PBX1: variants seen among roughly 807,000 people sequenced by gnomAD.
PBX1 encodes the protein PBX homeobox 1, also known as pre-B-cell leukemia transcription factor 1.
PBX1 carries 6 observed loss-of-function variants against 53.4 expected under a neutral mutation model. The observed-to-expected ratio is 0.11, with a 90% CI of 0.06 to 0.22. PBX1 has a LOEUF of 0.22. Ranked by LOEUF, PBX1 falls within the 10% of genes least tolerant of loss-of-function variation. The pLI, the probability that PBX1 is intolerant of heterozygous loss-of-function variation, is 1.00. For missense variants in PBX1, 251 were observed against 551.4 expected, an observed-to-expected ratio of 0.46 and a Z score of 5.46; for synonymous variants, 204 against 212.3, an observed-to-expected ratio of 0.96 and a Z score of 0.34.
chr1:164,732,500 T>C (rs1665048718), intron 2 of PBX1, among the ~76,000 whole-genome samples: 2 of 152,154 alleles, frequency 1.3e-5, no homozygotes, highest in African/African-American at 4.8e-5. Flanking sequence ...GGAAGTGGAA[T>C]CCTTTAATCT....
At chr1:164,621,629 T>G (rs958023525) in intron 2 of PBX1, among the ~76,000 whole-genome samples, 1 of 152,126 alleles carries the variant, frequency 6.6e-6, no homozygotes, top group Non-Finnish European at 1.5e-5. Context: ...CCATCCCTCT[T>G]GTTGCACAGT....
intron 2 of PBX1, among the ~76,000 whole-genome samples, chr1:164,593,040 C>T (rs145523925): frequency 1.3e-5 from 2 of 152,092 alleles, no homozygotes; most frequent in African/African-American, 4.8e-5. Context: ...TCACTGCAAC[C>T]TCTGTCTCCT....
intron 2 of PBX1, among the ~76,000 whole-genome samples, chr1:164,649,898 G>T (rs1240234353): frequency 1.3e-5 from 2 of 152,046 alleles, no homozygotes; most frequent in Non-Finnish European, 2.9e-5. Context: ...GCCAGCTTTG[G>T]GGGTTCTTTG....
intron 2 of PBX1, among the ~76,000 whole-genome samples, chr1:164,866,689 G>A (rs1358682365): frequency 6.6e-6 from 1 of 152,168 alleles, no homozygotes; most frequent in Non-Finnish European, 1.5e-5. Context: ...ACTGGTGGCT[G>A]ATGGATGAGT....
intron 2 of PBX1, among the ~76,000 whole-genome samples, chr1:164,758,277 A>T (rs1388838752): frequency 6.6e-6 from 1 of 152,134 alleles, no homozygotes; most frequent in Non-Finnish European, 1.5e-5. Flanking sequence ...TCAGACAACC[A>T]CCCTTTTCTT....
At chr1:164,727,592 G>C (rs1047811856) in intron 2 of PBX1, among the ~76,000 whole-genome samples, 1 of 152,182 alleles carries the variant, frequency 6.6e-6, no homozygotes, top group Non-Finnish European at 1.5e-5. Context: ...GTGGAAAGGG[G>C]TCTTGAGTTG....
chr1:164,625,910 G>C, intron 2 of PBX1: 2 of 1,023,810 alleles, frequency 2.0e-6, no homozygotes, highest in Non-Finnish European at 2.3e-6. Flanking sequence ...ATAGGTCTTT[G>C]TTTCTGGATT....
chr1:164,877,016 A>G (rs1672529206), intron 2 of PBX1, among the ~76,000 whole-genome samples: 2 of 152,098 alleles, frequency 1.3e-5, no homozygotes, highest in Non-Finnish European at 2.9e-5. Context: ...AGGAAGTACC[A>G]TGTGCCAAAT....
intron 2 of PBX1, among the ~76,000 whole-genome samples, chr1:164,688,820 T>C (rs10800043): frequency 0.2 from 30,622 of 152,242 alleles, 3,355 homozygotes; most frequent in East Asian, 0.33. Flanking sequence ...TTTCCTGAAC[T>C]CTTCTTTGCA....
chr1:164,841,653 T>A (rs16835346), intron 8 of PBX1, among the ~76,000 whole-genome samples: 2,894 of 152,242 alleles, frequency 0.019, 106 homozygotes, highest in African/African-American at 0.064. Flanking sequence ...TGGGAAAGTG[T>A]TAAGCATATC....
rs1324292200 is a variant in PBX1, at chr1:164,820,112, G to T, written c.1038G>T (p.Leu346Phe). ...TTAACATGTCAAACTCTGGAGATTT[G>T]TTCATGAGCGTGCAGTCACTCAATG... is the stretch of plus-strand genomic sequence containing the variant. ...SSFNMSNSGD[L>F]FMSVQSLNGD... Residue 346 changes from leucine to phenylalanine, a missense_variant, in exon 7 of 9, where the codon TTG becomes TTT. Around this residue, in one of 4 missense-constraint regions of PBX1, gnomAD observed 92 missense variants for 130.4 expected, o/e 0.71. Coordinates refer to ENST00000420696, the MANE Select transcript of PBX1 (RefSeq NM_002585.4). 6.2e-7 allele frequency: 1 copy of T among 1,613,652 alleles called. No individual in the cohort carries two copies. The highest frequency in any genetic ancestry group is 1.7e-5 in the Admixed American group (1 of 59,988).
At chr1:164,806,818 ACGTGTTGGG>A (rs1333714874) in intron 4 of PBX1, among the ~76,000 whole-genome samples, 2 of 152,190 alleles carry the variant, frequency 1.3e-5, no homozygotes, top group Non-Finnish European at 1.5e-5. Context: ...AGCAGCTGCC[ACGTGTTGGG>A]CGCTGTGCTG....
intron 7 of PBX1, among the ~76,000 whole-genome samples, chr1:164,820,636 A>G (rs1345508189): frequency 1.3e-5 from 2 of 152,196 alleles, no homozygotes; most frequent in Non-Finnish European, 2.9e-5. Context: ...TTAAGCTTTA[A>G]AAACACCCAG....
chr1:164,803,813 A>T (rs1236512310), intron 4 of PBX1, among the ~76,000 whole-genome samples: 2 of 152,224 alleles, frequency 1.3e-5, no homozygotes. Context: ...ATCACATAAA[A>T]TTGCACTGGA....
At chr1:164,770,098 A>G (rs1438905906) in intron 2 of PBX1, 1 of 152,238 alleles carries the variant, frequency 6.6e-6, no homozygotes, top group Non-Finnish European at 1.5e-5. Flanking sequence ...TAGACAATGT[A>G]GGTGAGATAA....
chr1:164,630,127 G>T (rs972404986), intron 2 of PBX1, among the ~76,000 whole-genome samples: 3 of 152,134 alleles, frequency 2.0e-5, no homozygotes, highest in Admixed American at 6.5e-5. Context: ...TGACCAATGG[G>T]GTGATGCTCG....
In PBX1 at chr1:164,846,700, T is replaced by C. The variant is rs142359401; in HGVS notation, c.*24T>C. The C allele has an allele frequency of 0.01, 16,916 of 1,614,072 alleles. 146 individuals carry two copies. The highest frequency in any genetic ancestry group is 0.019 in the South Asian group (1,754 of 91,076). ...GATCTCCCAGCAATCGCATCCCGGC[T>C]GACCCTGTGCCCCAGTTGGGGCAGG... On this transcript the variant is annotated 3_prime_UTR_variant, in exon 9 of 9. Coordinates refer to ENST00000420696, the MANE Select transcript of PBX1 (RefSeq NM_002585.4).
At chr1:164,580,372 G>A (rs368039559) in intron 2 of PBX1, among the ~76,000 whole-genome samples, 11 of 152,234 alleles carry the variant, frequency 7.2e-5, no homozygotes, top group African/African-American at 2.6e-4. Context: ...TCCGCCTCCC[G>A]GGTTCAAGCA....
At chr1:164,715,783 C>T (rs548255670) in intron 2 of PBX1, among the ~76,000 whole-genome samples, 25 of 152,208 alleles carry the variant, frequency 1.6e-4, no homozygotes, top group African/African-American at 4.3e-4. Flanking sequence ...AAGTCTAAGC[C>T]GGGATAAACT....
Sources: allele counts gnomAD v4.1 joint callset (sites outside exome capture counted in the v4.1 genomes callset), GRCh38; gene constraint gnomAD v4.1.1; regional missense constraint gnomAD v4.1.1; transcripts MANE v1.5; gene names NCBI Gene and HGNC (gene_info 2026-07-23, HGNC 2026-07-21).